Variants in CCNDBP1 observed in about 807,000 individuals in gnomAD.
CCNDBP1 encodes the protein cyclin-D1-binding protein 1.
CCNDBP1 carries 45 observed loss-of-function variants against 46.2 expected under a neutral mutation model. The observed-to-expected ratio is 0.97, with a 90% CI of 0.77 to 1.25. CCNDBP1 has a LOEUF of 1.25. Ranked by LOEUF, CCNDBP1 falls within the 50% of genes most tolerant of loss-of-function variation. CCNDBP1 has a pLI of 0.00. For synonymous variants in CCNDBP1, 154 were observed against 163.6 expected, an observed-to-expected ratio of 0.94 and a Z score of 0.45; for missense variants, 436 against 442.1, an observed-to-expected ratio of 0.99 and a Z score of 0.12.
rs1292270641 is a variant in CCNDBP1 at position 43,189,915 on chromosome 15, G to A, written c.332-140G>A. On this transcript the variant is annotated intron_variant, in intron 4 of 10. Transcript: ENST00000300213. ...GAAAATGCCATGGGGATATAAGTAAGACCTGAGTTTTGTGTTAGCATGTAG... is the reference window on the plus strand; with the variant it reads ...GAAAATGCCATGGGGATATAAGTAAAACCTGAGTTTTGTGTTAGCATGTAG... 3 of 660,102 alleles carry A rather than the reference G, an allele frequency of 4.5e-6. No homozygotes were observed. In the African/African-American group the frequency reaches 5.5e-5, roughly 12 times the overall value. 40.9% of individuals were successfully genotyped at this position (660,102 alleles called of 1,614,324 possible).
chr15:43,194,260 C>A, intron 9 of CCNDBP1, 155 bp from the exon 10 acceptor site: 1 of 539,794 alleles, frequency 1.9e-6, no homozygotes, highest in Non-Finnish European at 3.2e-6. Context: ...ACCCGTAATC[C>A]TGCCACCCTA....
intron 7 of CCNDBP1, 21 bp from the exon 8 acceptor site, chr15:43,191,374 A>G (rs529400278): frequency 4.9e-6 from 7 of 1,439,760 alleles, no homozygotes; most frequent in Non-Finnish European, 6.4e-6. Context: ...TTGCATTCAC[A>G]TACATCATGG....
intron 7 of CCNDBP1, 39 bp from the exon 8 acceptor site, chr15:43,191,343 CTTTTTTTTTTTTT>C: frequency 4.4e-6 from 3 of 682,310 alleles, no homozygotes; most frequent in East Asian, 3.4e-5. Flanking sequence ...TAGGCCTCGC[CTTTTTTTTTTTTT>C]TTTTTTTTTG....
chr15:43,187,980 G>C (rs1383892228), intron 3 of CCNDBP1, among the ~76,000 whole-genome samples: 1 of 151,968 alleles, frequency 6.6e-6, no homozygotes, highest in Non-Finnish European at 1.5e-5. Context: ...ACTAAAAGAT[G>C]GGTGGTTGTT....
At chr15:43,194,011 A>C (rs1371624475) in intron 9 of CCNDBP1, 1 of 225,580 alleles carries the variant, frequency 4.4e-6, no homozygotes, top group African/African-American at 3.9e-5. Flanking sequence ...TCTCCATCTT[A>C]TCCTTATATT....
Position 43,194,868 on chromosome 15 carries a change from C to A in CCNDBP1, c.*27C>A, listed in dbSNP as rs2042019129. ...TTTTCAGGCTCATTTGTACTCTCTT[C>A]CCCTCTCATCGTCATGGTCAGGCTC... On this transcript the variant is annotated 3_prime_UTR_variant, in exon 11 of 11. Transcript: ENST00000300213. The A allele has an allele frequency of 1.5e-6, 2 of 1,377,506 alleles. No homozygotes were observed. Among genetic ancestry groups the A allele is most frequent in the Non-Finnish European group, 2.1e-6 (2 of 965,548 alleles). 85.3% of individuals were successfully genotyped at this position (1,377,506 alleles called of 1,614,324 possible).
chr15:43,189,238 A>G lies in CCNDBP1; in HGVS notation c.289A>G (p.Lys97Glu), dbSNP rs745841620. Residue 97 changes from lysine (K) to glutamate (E), a missense_variant, in exon 4 of 11, where the codon AAG becomes GAG. Physicochemically the swap from Lys to Glu is moderately conservative, Grantham distance 56. Coordinates refer to ENST00000300213, the MANE Select transcript of CCNDBP1 (RefSeq NM_012142.5). ...CTGTGAACAAGTCCATGCTGCCATC[A>G]AGGCATTTATTGCAGTGTACTATTT... is the stretch of plus-strand genomic sequence containing the variant. ...KFCEQVHAAI[K>E]AFIAVYYLLP... 2 of 1,612,622 alleles carry G rather than the reference A, an allele frequency of 1.2e-6. No homozygotes were observed. Among genetic ancestry groups the G allele is most frequent in the East Asian group, 2.2e-5 (1 of 44,858 alleles).
rs1567267583 is a variant in CCNDBP1, at chr15:43,196,393, T to C, written c.*1552T>C. 1 of 149,756 alleles carries C rather than the reference T, an allele frequency of 6.7e-6. No individual in the cohort carries two copies. The highest frequency in any genetic ancestry group is 2.5e-5 in the African/African-American group (1 of 40,450). The allele number at this position is 149,756 out of a possible 1,614,324, so 9.3% of individuals were successfully genotyped here. A position where few individuals can be genotyped will look rare whatever the true frequency, so the allele number is the denominator to read the frequency against. ...CTCCGCCTCCCAGGTTCTCAAGCAA[T>C]TCTCTGGCTTCAGCCTCTCAAGTAG... On this transcript the variant is annotated 3_prime_UTR_variant, in exon 11 of 11. Coordinates refer to ENST00000300213, the MANE Select transcript of CCNDBP1 (RefSeq NM_012142.5).
chr15:43,189,115 G>GA (rs2041906141), intron 3 of CCNDBP1, 84 bp from the exon 4 acceptor site: 3 of 303,158 alleles, frequency 9.9e-6, no homozygotes, highest in East Asian at 1.1e-4. Context: ...GAAAAAGAAA[G>GA]AAAAGAAAAA....
chr15:43,186,009 A>C, intron 2 of CCNDBP1, 130 bp downstream of exon 2: 1 of 1,143,376 alleles, frequency 8.7e-7, no homozygotes, highest in Non-Finnish European at 1.3e-6. Flanking sequence ...TACCTTACCC[A>C]CCTCAGCACC....
At chr15:43,190,236 A>G in intron 5 of CCNDBP1, 85 bp downstream of exon 5, 4 of 1,584,350 alleles carry the variant, frequency 2.5e-6, no homozygotes, top group Non-Finnish European at 3.5e-6. Flanking sequence ...AAAGTTACTG[A>G]CAGCTGAGAG....
chr15:43,192,842 G>C lies in CCNDBP1; in HGVS notation c.921+39G>C, dbSNP rs544437058. 5.1e-6 allele frequency: 8 copies of C among 1,575,546 alleles called. No individual in the cohort carries two copies. The South Asian group carries it at 8.9e-5, about 17-fold the overall frequency. ...TTGAGGGAATAGCTACAGAACAAAT[G>C]GGCAGAATTTCACTAATCACTAGTA... On this transcript the variant is annotated intron_variant, in intron 9 of 10. Transcript: ENST00000300213.
At chr15:43,188,485 A>G (rs1478587479) in intron 3 of CCNDBP1, 2 of 152,154 alleles carry the variant, frequency 1.3e-5, no homozygotes, top group Non-Finnish European at 2.9e-5. Context: ...AGCAAACACA[A>G]CTACAGACAT....
chr15:43,187,010 A>G lies in CCNDBP1; in HGVS notation c.249+777A>G, dbSNP rs569801210. On this transcript the variant is annotated intron_variant, in intron 3 of 10. Transcript: ENST00000300213. ...TAGAACAAAGATTTATGCATTTTAAATATTCCTTTATTATAAAACTAATGA... is the reference window on the plus strand; with the variant it reads ...TAGAACAAAGATTTATGCATTTTAAGTATTCCTTTATTATAAAACTAATGA... 2.0e-5 allele frequency among the ~76,000 whole-genome samples: 3 copies of G among 152,346 alleles called. No individual in the cohort carries two copies. The East Asian group carries it at 5.8e-4, about 29-fold the overall frequency.
chr15:43,189,962 T>A (rs1169080462), intron 4 of CCNDBP1, 93 bp from the exon 5 acceptor site: 1 of 1,060,048 alleles, frequency 9.4e-7, no homozygotes, highest in African/African-American at 1.6e-5. Flanking sequence ...TGGGTGTACA[T>A]TACCTTATAG....
chr15:43,185,974 C>G, intron 2 of CCNDBP1, 95 bp downstream of exon 2: 1 of 1,290,952 alleles, frequency 7.7e-7, no homozygotes, highest in Non-Finnish European at 1.1e-6. Flanking sequence ...GGACTGCTCT[C>G]CCCCGCTGCA....
rs1282641288 is a variant in CCNDBP1 at position 43,195,385 on chromosome 15, T to G, written c.*544T>G. The G allele has an allele frequency of 6.6e-6, 1 of 152,296 alleles. No homozygotes were observed. The highest frequency in any genetic ancestry group is 1.5e-5 in the Non-Finnish European group (1 of 68,096). 9.4% of individuals were successfully genotyped at this position (152,296 alleles called of 1,614,324 possible). A position where few individuals can be genotyped will look rare whatever the true frequency, so the allele number is the denominator to read the frequency against. On this transcript the variant is annotated 3_prime_UTR_variant, in exon 11 of 11. Coordinates refer to ENST00000300213, the MANE Select transcript of CCNDBP1 (RefSeq NM_012142.5). Reference sequence around the variant, plus strand: ...TATTTCACCATGTTATATATTATTATCAGCAAGTCCTTCTGAATATTATCA... The same window carrying G: ...TATTTCACCATGTTATATATTATTAGCAGCAAGTCCTTCTGAATATTATCA...
rs750613591 is a variant in CCNDBP1 at position 43,185,576 on chromosome 15, G to C, written c.78G>C (p.Glu26Asp). 3 of 1,582,850 alleles carry C rather than the reference G, an allele frequency of 1.9e-6. No individual in the cohort carries two copies. Among genetic ancestry groups the C allele is most frequent in the East Asian group, 4.6e-5 (2 of 43,240 alleles). ...SPLEQLRHLA[E>D]ELRLLLPRVR... ...TGGAGCAGCTCCGGCACTTGGCGGA[G>C]GAGCTGCGGTTGCTCCTGCCTCGAG... Residue 26 changes from glutamate (E) to aspartate (D), a missense_variant, in exon 1 of 11, where the codon GAG becomes GAC. Transcript: ENST00000300213.
At chr15:43,186,104 C>G (rs765078738) in intron 2 of CCNDBP1, 50 bp from the exon 3 acceptor site, 1 of 1,519,146 alleles carries the variant, frequency 6.6e-7, no homozygotes, top group East Asian at 2.3e-5. Flanking sequence ...CTTCCAAGTC[C>G]GTGCAGCACT....
Sources: gnomAD v4.1 joint callset for allele counts (sites outside exome capture counted in the v4.1 genomes callset) on GRCh38, gnomAD v4.1.1 for gene constraint, MANE v1.5 for transcripts, NCBI Gene and HGNC (gene_info 2026-07-23, HGNC 2026-07-21) for gene names.